Variants in PTTG1IP observed in about 807,000 individuals in gnomAD.
PTTG1IP encodes PTTG1 interacting protein.
In PTTG1IP, 16 loss-of-function variants were observed where a neutral mutation model predicts 24.4. The ratio of observed to expected loss-of-function variants is 0.66; its 90% confidence interval spans 0.44 to 1.00. The LOEUF (loss-of-function observed/expected upper bound fraction) is 1.00. PTTG1IP is among the 50% of genes least tolerant of loss of function. PTTG1IP has a pLI of 0.00. For missense variants in PTTG1IP, 241 were observed against 245.8 expected (o/e 0.98, Z 0.13); for synonymous variants, 89 against 96.8 (o/e 0.92, Z 0.47).
Position 44,851,318 on chromosome 21 carries a change from G to C in PTTG1IP, c.*263C>G. ...GTTAGCGTTTCACAAACTGAGAAGA[G>C]TATAAAAAAGCCCAAACCCCAAAGA... On this transcript the variant is annotated 3_prime_UTR_variant, in exon 6 of 6. Transcript: ENST00000330938. 1 of 1,484,498 alleles carries C rather than the reference G, an allele frequency of 6.7e-7. No homozygotes were observed. The allele number at this position is 1,484,498 out of a possible 1,614,324, so 92.0% of individuals were successfully genotyped here.
intron 2 of PTTG1IP, chr21:44,861,663 T>A: frequency 1.4e-6 from 1 of 712,146 alleles, no homozygotes. Flanking sequence ...CCCCACTGAC[T>A]GGATGGGCCC....
intron 2 of PTTG1IP, chr21:44,861,892 G>C (rs2146462618): frequency 1.4e-6 from 1 of 715,708 alleles, no homozygotes; most frequent in Non-Finnish European, 2.6e-6. Context: ...ACCATCTGTA[G>C]CAAGGACCAT....
intron 3 of PTTG1IP, 142 bp from the exon 4 acceptor site, chr21:44,856,506 T>C: frequency 1.1e-6 from 1 of 935,630 alleles, no homozygotes; most frequent in Non-Finnish European, 1.6e-6. Flanking sequence ...TGCTGGCTCC[T>C]GGCGTGTGGA....
intron 5 of PTTG1IP, among the ~76,000 whole-genome samples, chr21:44,852,166 A>T (rs905808244): frequency 6.6e-6 from 1 of 151,988 alleles, no homozygotes; most frequent in African/African-American, 2.4e-5. Flanking sequence ...ACACATACAC[A>T]CACTCTCTCT....
At chr21:44,873,012 G>A (rs2083602139) in intron 1 of PTTG1IP, 1 of 150,862 alleles carries the variant, frequency 6.6e-6, no homozygotes, top group Non-Finnish European at 1.5e-5. Context: ...GAACGCCGGC[G>A]GCTGTAGAGA....
intron 1 of PTTG1IP, 121 bp downstream of exon 1, chr21:44,873,381 A>G: frequency 2.0e-6 from 2 of 1,003,176 alleles, no homozygotes; most frequent in Non-Finnish European, 1.3e-6. Flanking sequence ...GCTGCCTGCG[A>G]CCGTGGGCCC....
chr21:44,852,524 G>A (rs564593934), intron 5 of PTTG1IP, among the ~76,000 whole-genome samples: 9 of 152,248 alleles, frequency 5.9e-5, no homozygotes, highest in African/African-American at 2.2e-4. Flanking sequence ...AAAATTATCT[G>A]CAGCGATTAC....
At position 44,850,350 on chromosome 21, in the gene PTTG1IP, C is replaced by T. The variant is rs1302845442; in HGVS notation, c.*1231G>A. The T allele has an allele frequency of 6.6e-6, 1 of 152,248 alleles. No individual in the cohort carries two copies. The highest frequency in any genetic ancestry group is 2.4e-5 in the African/African-American group (1 of 41,466). 9.4% of individuals were successfully genotyped at this position (152,248 alleles called of 1,614,324 possible). On this transcript the variant is annotated 3_prime_UTR_variant, in exon 6 of 6. Coordinates refer to ENST00000330938, the MANE Select transcript of PTTG1IP (RefSeq NM_004339.4). The stretch of plus-strand genomic sequence containing the variant: ...TCCCCGCACGCTGCTTTCCCTGCCA[C>T]GAAGCGCTTGGTCTGCTTACTAAAG...
Position 44,849,733 on chromosome 21 carries a change from C to T in PTTG1IP, c.*1848G>A, listed in dbSNP as rs1196215223. ...AGCAGATGGACGAAGACCGACCTTACAGACGTGGGTTTCTACACTGAGCGC... is the reference window on the plus strand; with the variant it reads ...AGCAGATGGACGAAGACCGACCTTATAGACGTGGGTTTCTACACTGAGCGC... On this transcript the variant is annotated 3_prime_UTR_variant, in exon 6 of 6. Transcript: ENST00000330938. 6.6e-6 allele frequency: 1 copy of T among 152,506 alleles called. No individual in the cohort carries two copies. The highest frequency in any genetic ancestry group is 1.5e-5 in the Non-Finnish European group (1 of 68,042). The allele number at this position is 152,506 out of a possible 1,614,324, so 9.4% of individuals were successfully genotyped here. A position where few individuals can be genotyped will look rare whatever the true frequency, so the allele number is the denominator to read the frequency against.
At chr21:44,868,555 G>T (rs1376568964) in intron 1 of PTTG1IP, among the ~76,000 whole-genome samples, 2 of 152,124 alleles carry the variant, frequency 1.3e-5, no homozygotes, top group African/African-American at 4.8e-5. Flanking sequence ...TGAACGAATG[G>T]CAAGAGGACC....
At chr21:44,868,302 C>T (rs944538377) in intron 1 of PTTG1IP, among the ~76,000 whole-genome samples, 10 of 152,304 alleles carry the variant, frequency 6.6e-5, no homozygotes, top group East Asian at 5.8e-4. Context: ...TGCAATGTGA[C>T]GGGCACCATG....
At chr21:44,860,272 G>A (rs991338620) in intron 3 of PTTG1IP, among the ~76,000 whole-genome samples, 6 of 152,278 alleles carry the variant, frequency 3.9e-5, no homozygotes, top group African/African-American at 7.2e-5. Context: ...AGGAGGCTGA[G>A]GCAGGAGAAT....
At chr21:44,852,989 TA>T (rs938967628) in intron 5 of PTTG1IP, among the ~76,000 whole-genome samples, 5 of 152,110 alleles carry the variant, frequency 3.3e-5, no homozygotes, top group African/African-American at 1.2e-4. Context: ...AGGGCCAAAT[TA>T]ACCACCAAAA....
intron 3 of PTTG1IP, among the ~76,000 whole-genome samples, 177 bp downstream of exon 3, chr21:44,860,986 T>C: frequency 6.6e-6 from 1 of 152,074 alleles, no homozygotes; most frequent in East Asian, 1.9e-4. Context: ...GTATTTTTAA[T>C]AGAGACGGGG....
intron 2 of PTTG1IP, among the ~76,000 whole-genome samples, chr21:44,863,710 A>C (rs937747607): frequency 3.3e-5 from 5 of 152,256 alleles, no homozygotes; most frequent in Non-Finnish European, 7.3e-5. Flanking sequence ...GACTAAAAAG[A>C]AGCACCATCT....
chr21:44,866,297 AACAC>A (rs35998215), intron 1 of PTTG1IP, among the ~76,000 whole-genome samples: 1 of 99,390 alleles, frequency 1.0e-5, no homozygotes, highest in Non-Finnish European at 2.0e-5. Context: ...CCAATCCCGT[AACAC>A]ACACACAGAC....
chr21:44,856,466 GCA>G, intron 3 of PTTG1IP, 102 bp from the exon 4 acceptor site: 1 of 1,323,264 alleles, frequency 7.6e-7, no homozygotes, highest in Non-Finnish European at 1.0e-6. Flanking sequence ...GGACACAGGA[GCA>G]TAAGGAGGAA....
rs2083607624 is a variant in PTTG1IP at position 44,873,486 on chromosome 21, G to A, written c.115+16C>T. 2.3e-5 allele frequency: 31 copies of A among 1,376,004 alleles called. No homozygotes were observed. Among genetic ancestry groups the A allele is most frequent in the Non-Finnish European group, 2.6e-5 (28 of 1,070,652 alleles). 85.2% of individuals were successfully genotyped at this position (1,376,004 alleles called of 1,614,324 possible). Reference sequence around the variant, plus strand: ...CCCCGCCCCCTTCGCGGCCCCGCCCGCCCCGGCGCCCTCACCAGCTCCGGG... The same window carrying A: ...CCCCGCCCCCTTCGCGGCCCCGCCCACCCCGGCGCCCTCACCAGCTCCGGG... On this transcript the variant is annotated intron_variant, in intron 1 of 5. Transcript: ENST00000330938.
At chr21:44,871,991 C>T (rs981386402) in intron 1 of PTTG1IP, among the ~76,000 whole-genome samples, 3 of 152,230 alleles carry the variant, frequency 2.0e-5, no homozygotes, top group African/African-American at 7.2e-5. Flanking sequence ...CTCGTCCACA[C>T]CCATCTCTGC....
Sources: allele counts gnomAD v4.1 joint callset (sites outside exome capture counted in the v4.1 genomes callset), GRCh38; gene constraint gnomAD v4.1.1; transcripts MANE v1.5; gene names NCBI Gene and HGNC (gene_info 2026-07-23, HGNC 2026-07-21).